Variants in PACRG observed in about 807,000 individuals in gnomAD.
PACRG encodes the protein parkin coregulated gene protein.
In PACRG, 29 loss-of-function variants were observed where a neutral mutation model predicts 29.7. The ratio of observed to expected loss-of-function variants is 0.98; its 90% confidence interval spans 0.73 to 1.33. PACRG has a LOEUF of 1.33. Ranked by LOEUF, PACRG falls within the 40% of genes most tolerant of loss-of-function variation. The pLI, the probability that PACRG is intolerant of heterozygous loss-of-function variation, is 0.00. For synonymous variants in PACRG, 116 were observed against 118.7 expected, an observed-to-expected ratio of 0.98 and a Z score of 0.15; for missense variants, 279 against 316.2, an observed-to-expected ratio of 0.88 and a Z score of 0.89.
chr6:162,945,965 GA>G (rs1216908338), intron 2 of PACRG, among the ~76,000 whole-genome samples: 11 of 152,190 alleles, frequency 7.2e-5, no homozygotes, highest in Non-Finnish European at 1.3e-4. Context: ...TGAAACAAAT[GA>G]AAGTCAAAAT....
chr6:162,727,605 G>C (rs1022815802), upstream of PACRG: 3 of 1,543,282 alleles, frequency 1.9e-6, no homozygotes, highest in East Asian at 4.8e-5. Flanking sequence ...GGGGCGTGGC[G>C]CCATACCGGG....
intron 2 of PACRG, among the ~76,000 whole-genome samples, chr6:162,870,093 G>T (rs1792672209): frequency 6.6e-6 from 1 of 152,178 alleles, no homozygotes; most frequent in Non-Finnish European, 1.5e-5. Flanking sequence ...ACATTCCTGG[G>T]AGCCCCTCCT....
intron 4 of PACRG, among the ~76,000 whole-genome samples, chr6:163,113,076 C>T (rs554865727): frequency 6.6e-6 from 1 of 152,202 alleles, no homozygotes; most frequent in South Asian, 2.1e-4. Context: ...ACCAGCTTCA[C>T]AACTGGAACT....
chr6:162,784,191 G>A (rs1423597759), intron 1 of PACRG, among the ~76,000 whole-genome samples: 1 of 151,952 alleles, frequency 6.6e-6, no homozygotes, highest in Admixed American at 6.6e-5. Context: ...TATTTTCTTT[G>A]TTTAACAATG....
chr6:163,234,274 A>G (rs1695496598), intron 4 of PACRG, among the ~76,000 whole-genome samples: 1 of 152,120 alleles, frequency 6.6e-6, no homozygotes, highest in Non-Finnish European at 1.5e-5. Context: ...CAGATCCCTC[A>G]GGAATGGCTT....
At chr6:163,109,008 A>T (rs898466829) in intron 4 of PACRG, among the ~76,000 whole-genome samples, 1 of 152,212 alleles carries the variant, frequency 6.6e-6, no homozygotes, top group African/African-American at 2.4e-5. Flanking sequence ...GCAAAGTATC[A>T]CCTTGGCAGA....
rs1282791530 is a variant in PACRG, at chr6:163,292,568, TTTATGTA to T, written c.614-22254_614-22248del. Among the ~76,000 whole-genome samples, 150 of 150,308 alleles carry T rather than the reference TTTATGTA, an allele frequency of 1.0e-3. 1 individual carries two copies. The highest frequency in any genetic ancestry group is 3.6e-3 in the African/African-American group (146 of 40,504). Reference sequence around the variant, plus strand: ...GGCATCTGCCACCACGCCCAGCTAATTTATGTATTATTTATTTATTTATTTATTTATT... The same window carrying T: ...GGCATCTGCCACCACGCCCAGCTAATTTATTTATTTATTTATTTATTTATT... On this transcript the variant is annotated intron_variant, in intron 4 of 4. Transcript: ENST00000366888.
chr6:163,263,238 G>A (rs1026420492), intron 4 of PACRG, among the ~76,000 whole-genome samples: 2 of 151,066 alleles, frequency 1.3e-5, no homozygotes, highest in East Asian at 1.9e-4. Flanking sequence ...TTCCCATCCC[G>A]AGAGCCCAGA....
chr6:163,227,286 A>G (rs1781844811), intron 4 of PACRG, among the ~76,000 whole-genome samples: 1 of 152,048 alleles, frequency 6.6e-6, no homozygotes, highest in Admixed American at 6.6e-5. Context: ...GGGAGGTGGG[A>G]GGTAAGGTGC....
chr6:163,148,086 T>C (rs1455761486), intron 4 of PACRG, among the ~76,000 whole-genome samples: 1 of 152,240 alleles, frequency 6.6e-6, no homozygotes, highest in Non-Finnish European at 1.5e-5. Context: ...GTAATCCACC[T>C]GCAGACGTGT....
At chr6:163,256,311 G>A (rs983967780) in intron 4 of PACRG, among the ~76,000 whole-genome samples, 8 of 152,122 alleles carry the variant, frequency 5.3e-5, no homozygotes, top group Non-Finnish European at 1.2e-4. Context: ...GTCCCACCAC[G>A]TGCGGGGCAC....
intron 4 of PACRG, among the ~76,000 whole-genome samples, chr6:163,139,211 G>A (rs953482906): frequency 1.4e-4 from 21 of 152,210 alleles, no homozygotes; most frequent in East Asian, 1.9e-4. Flanking sequence ...GCCACACCAC[G>A]CAAGTCCCTG....
intron 2 of PACRG, among the ~76,000 whole-genome samples, chr6:162,996,120 C>G (rs552822838): frequency 1.3e-5 from 2 of 152,208 alleles, no homozygotes; most frequent in South Asian, 2.1e-4. Flanking sequence ...ATTAAATCTT[C>G]TCACCACTCG....
chr6:163,006,109 A>G (rs1307102645), intron 2 of PACRG, among the ~76,000 whole-genome samples: 2 of 142,768 alleles, frequency 1.4e-5, no homozygotes, highest in Non-Finnish European at 3.0e-5. Flanking sequence ...TATATAATAT[A>G]TAGAAACAAA....
At chr6:162,804,483 C>T (rs958128295) in intron 1 of PACRG, among the ~76,000 whole-genome samples, 2 of 152,110 alleles carry the variant, frequency 1.3e-5, no homozygotes, top group Non-Finnish European at 2.9e-5. Context: ...TCTTCAATTT[C>T]CTTGTCTGTG....
At chr6:163,289,739 G>A (rs989464011) in intron 4 of PACRG, among the ~76,000 whole-genome samples, 1 of 150,822 alleles carries the variant, frequency 6.6e-6, no homozygotes, top group Non-Finnish European at 1.5e-5. Flanking sequence ...AATGAAGACC[G>A]GGAGTGGGGA....
At chr6:163,027,288 T>A (rs924181020) in intron 2 of PACRG, among the ~76,000 whole-genome samples, 1 of 152,238 alleles carries the variant, frequency 6.6e-6, no homozygotes, top group African/African-American at 2.4e-5. Context: ...TTCGTCTGAC[T>A]GCTCTTGATT....
intron 4 of PACRG, among the ~76,000 whole-genome samples, chr6:163,220,174 G>T (rs1390884692): frequency 6.6e-6 from 1 of 152,076 alleles, no homozygotes; most frequent in East Asian, 1.9e-4. Context: ...AGTGACTTCT[G>T]TGTCTTCTGC....
At chr6:163,091,805 A>AT (rs1814132701) in intron 4 of PACRG, among the ~76,000 whole-genome samples, 1 of 152,204 alleles carries the variant, frequency 6.6e-6, no homozygotes, top group Non-Finnish European at 1.5e-5. Context: ...CTTTAATAAC[A>AT]TTTTAAGAAA....
Sources: allele counts gnomAD v4.1 joint callset (sites outside exome capture counted in the v4.1 genomes callset), GRCh38; gene constraint gnomAD v4.1.1; transcripts MANE v1.5; gene names NCBI Gene and HGNC (gene_info 2026-07-23, HGNC 2026-07-21).